GOT2: variants seen among roughly 807,000 people sequenced by gnomAD.
GOT2 encodes aspartate aminotransferase, mitochondrial.
A neutral mutation model predicts 50.0 loss-of-function variants in GOT2; 17 were observed. That is an observed-to-expected ratio of 0.34 (90% CI 0.23 to 0.51). The LOEUF is 0.51. GOT2 is among the 20% of genes least tolerant of loss of function. The pLI is 0.97. For missense variants in GOT2, 430 were observed against 559.6 expected (o/e 0.77, Z 2.34); for synonymous variants, 172 against 204.9 (o/e 0.84, Z 1.37).
rs373767131 is a variant in GOT2 at position 58,718,177 on chromosome 16, G to C, written c.702+19C>G. 3,188 of 1,541,578 alleles carry C rather than the reference G, an allele frequency of 2.1e-3. 7 individuals carry two copies. Among genetic ancestry groups the C allele is most frequent in the Non-Finnish European group, 2.7e-3 (2,965 of 1,113,826 alleles). On this transcript the variant is annotated intron_variant, in intron 6 of 9. Transcript: ENST00000245206. ...GTTACTAAACACAGAACTGTCGCCAGTGAGTTCATCGTCCTCACCTTCACC... is the reference window on the plus strand; with the variant it reads ...GTTACTAAACACAGAACTGTCGCCACTGAGTTCATCGTCCTCACCTTCACC...
At chr16:58,732,176 A>G (rs2044839475) in intron 1 of GOT2, among the ~76,000 whole-genome samples, 1 of 152,196 alleles carries the variant, frequency 6.6e-6, no homozygotes, top group East Asian at 1.9e-4. Flanking sequence ...GTGGTGGTGT[A>G]TGCCTGCAGT....
chr16:58,721,644 A>C (rs1479880401), intron 3 of GOT2: 1 of 152,424 alleles, frequency 6.6e-6, no homozygotes, highest in Non-Finnish European at 1.5e-5. Context: ...CTACTAGTAC[A>C]TTTTTGGAAT....
chr16:58,708,860 A>AT (rs397796281), intron 9 of GOT2, among the ~76,000 whole-genome samples: 6 of 151,378 alleles, frequency 4.0e-5, no homozygotes, highest in South Asian at 4.2e-4. Flanking sequence ...AAAAAAAAAA[A>AT]GCAAAATAAA....
chr16:58,720,897 A>G (rs1054105796), intron 3 of GOT2, among the ~76,000 whole-genome samples: 1 of 152,156 alleles, frequency 6.6e-6, no homozygotes, highest in Non-Finnish European at 1.5e-5. Flanking sequence ...AGGCACAACA[A>G]CTTATAAAAG....
chr16:58,710,334 C>T (rs1597696519), intron 8 of GOT2, among the ~76,000 whole-genome samples: 1 of 152,228 alleles, frequency 6.6e-6, no homozygotes, highest in South Asian at 2.1e-4. Context: ...ATCCTCCTGC[C>T]TCAGCCTCCC....
In GOT2 at chr16:58,734,279, G is replaced by A. The variant is rs1379064217; in HGVS notation, c.-51C>T. 2.0e-6 allele frequency: 2 copies of A among 1,005,540 alleles called. No homozygotes were observed. The highest frequency in any genetic ancestry group is 2.6e-6 in the Non-Finnish European group (2 of 761,804). The allele number at this position is 1,005,540 out of a possible 1,614,324, so 62.3% of individuals were successfully genotyped here. ...AGCCGCAGGACGGAGCAGAGGGCGAGCGGACACACACACAGGGAACCGGCT... is the reference window on the plus strand; with the variant it reads ...AGCCGCAGGACGGAGCAGAGGGCGAACGGACACACACACAGGGAACCGGCT... On this transcript the variant is annotated 5_prime_UTR_variant, in exon 1 of 10. Transcript: ENST00000245206.
At chr16:58,718,867 T>C (rs2044717779) in intron 4 of GOT2, among the ~76,000 whole-genome samples, 179 bp from the exon 5 acceptor site, 1 of 152,242 alleles carries the variant, frequency 6.6e-6, no homozygotes, top group Non-Finnish European at 1.5e-5. Flanking sequence ...ACAGTTATAC[T>C]GGCCATGTAG....
intron 5 of GOT2, 62 bp downstream of exon 5, chr16:58,718,465 A>T: frequency 6.9e-7 from 1 of 1,453,082 alleles, no homozygotes; most frequent in Non-Finnish European, 9.4e-7. Context: ...ATGGTGGGAG[A>T]CATCAAATGT....
intron 8 of GOT2, among the ~76,000 whole-genome samples, chr16:58,711,907 G>A (rs1381068089): frequency 6.6e-6 from 1 of 152,110 alleles, no homozygotes; most frequent in African/African-American, 2.4e-5. Flanking sequence ...CAACCAGGGT[G>A]CTTCACGATC....
chr16:58,709,765 T>G (rs967151240), intron 8 of GOT2, among the ~76,000 whole-genome samples, 198 bp from the exon 9 acceptor site: 6 of 152,198 alleles, frequency 3.9e-5, no homozygotes, highest in African/African-American at 1.4e-4. Flanking sequence ...ACTATTTCCA[T>G]AAGGCAACTG....
At chr16:58,718,767 C>T (rs1057441546) in intron 4 of GOT2, 79 bp from the exon 5 acceptor site, 13 of 1,198,154 alleles carry the variant, frequency 1.1e-5, no homozygotes, top group African/African-American at 7.7e-5. Context: ...ATTGAGAGAA[C>T]ATTTTTCTCT....
At chr16:58,716,588 ACC>A (rs1491106641) in intron 7 of GOT2, 73 bp downstream of exon 7, 4 of 1,234,530 alleles carry the variant, frequency 3.2e-6, no homozygotes, top group African/African-American at 1.5e-5. Flanking sequence ...ACACACACAC[ACC>A]CACAAGCTCT....
Position 58,723,677 on chromosome 16 carries a change from T to A in GOT2, c.246+69A>T, listed in dbSNP as rs745892808. The A allele has an allele frequency of 7.7e-6, 10 of 1,294,506 alleles. No individual in the cohort carries two copies. In the Admixed American group the frequency reaches 1.1e-4, roughly 14 times the overall value. The allele number at this position is 1,294,506 out of a possible 1,614,324, so 80.2% of individuals were successfully genotyped here. ...CTCCTGATTCCCGGTCCAGCACTAT[T>A]CCTGCCACTCTCCAGGGCTCTCTTC... On this transcript the variant is annotated intron_variant, in intron 2 of 9. Transcript: ENST00000245206.
chr16:58,726,901 C>T (rs1437985990), intron 1 of GOT2, among the ~76,000 whole-genome samples: 1 of 151,812 alleles, frequency 6.6e-6, no homozygotes, highest in Admixed American at 6.6e-5. Context: ...CGCCTGCAAT[C>T]CCAGCACTTT....
intron 8 of GOT2, among the ~76,000 whole-genome samples, chr16:58,710,485 G>A (rs2044638146): frequency 6.6e-6 from 1 of 151,044 alleles, no homozygotes; most frequent in Admixed American, 6.6e-5. Context: ...TCCCACCTTG[G>A]CCTCCCAAAA....
Position 58,718,190 on chromosome 16 carries a change from C to T in GOT2, c.702+6G>A. On this transcript the variant is annotated splice_donor_region_variant and intron_variant, in intron 6 of 9. Coordinates refer to ENST00000245206, the MANE Select transcript of GOT2 (RefSeq NM_002080.4). ...GAACTGTCGCCAGTGAGTTCATCGT[C>T]CTCACCTTCACCACTGTTGCTATTT... is the stretch of plus-strand genomic sequence containing the variant. The T allele has an allele frequency of 1.3e-6, 2 of 1,590,838 alleles. No homozygotes were observed. Among genetic ancestry groups the T allele is most frequent in the East Asian group, 2.2e-5 (1 of 44,794 alleles).
chr16:58,723,276 CAAAA>C (rs1365260952), intron 2 of GOT2, among the ~76,000 whole-genome samples: 1 of 151,948 alleles, frequency 6.6e-6, no homozygotes, highest in African/African-American at 2.4e-5. Context: ...AAAAATATAA[CAAAA>C]GAAAGAGGTG....
intron 1 of GOT2, among the ~76,000 whole-genome samples, chr16:58,726,052 T>C (rs528689641): frequency 2.3e-4 from 35 of 152,318 alleles, no homozygotes; most frequent in African/African-American, 8.2e-4. Flanking sequence ...CATTTGACAA[T>C]AGCAATGATG....
chr16:58,727,851 C>T (rs1328545627), intron 1 of GOT2, among the ~76,000 whole-genome samples: 1 of 152,164 alleles, frequency 6.6e-6, no homozygotes, highest in Admixed American at 6.5e-5. Context: ...GCAGGAGAAT[C>T]GCTCAAGTTC....
Sources: gnomAD v4.1 joint callset for allele counts (sites outside exome capture counted in the v4.1 genomes callset) on GRCh38, gnomAD v4.1.1 for gene constraint, MANE v1.5 for transcripts, NCBI Gene and HGNC (gene_info 2026-07-23, HGNC 2026-07-21) for gene names.